ATP11A: variants seen among roughly 807,000 people sequenced by gnomAD.
ATP11A encodes the protein ATPase phospholipid transporting 11A, also known as phospholipid-transporting ATPase IH.
Under a neutral mutation model 154.4 loss-of-function variants are expected in ATP11A, and 81 were observed. The ratio of observed to expected loss-of-function variants is 0.52; its 90% CI spans 0.44 to 0.63. The LOEUF (loss-of-function observed/expected upper bound fraction) is 0.63. Among genes scored for constraint, ATP11A ranks in the 30% least tolerant of loss-of-function variants. The pLI is 0.00. For missense variants in ATP11A, 1,316 were observed against 1,474.3 expected, an observed-to-expected ratio of 0.89 and a Z score of 1.76; for synonymous variants, 623 against 585.9, an observed-to-expected ratio of 1.06 and a Z score of -0.91.
chr13:112,873,429 G>A lies in ATP11A; in HGVS notation c.3058-144G>A, dbSNP rs538613989. On this transcript the variant is annotated intron_variant, in intron 26 of 29. Coordinates refer to ENST00000375645, the MANE Select transcript of ATP11A (RefSeq NM_015205.3). The stretch of plus-strand genomic sequence containing the variant: ...AGGTGTGGCTTTGTCTTCCTGAGCC[G>A]TGTTTTGCAGGCATTGAGTCGTCAT... 51 of 590,414 alleles carry A rather than the reference G, an allele frequency of 8.6e-5. No homozygotes were observed. The South Asian group carries it at 9.7e-4, about 11-fold the overall frequency. The allele number at this position is 590,414 out of a possible 1,614,324, so 36.6% of individuals were successfully genotyped here.
rs146801787 is a variant in ATP11A, at chr13:112,832,928, C to T, written c.1464C>T (p.Ser488=). 5.0e-5 allele frequency: 80 copies of T among 1,614,084 alleles called. No homozygotes were observed. Among genetic ancestry groups the T allele is most frequent in the African/African-American group, 3.6e-4 (27 of 75,040 alleles). The change falls in exon 14 of 30, where the codon AGC becomes AGT. Residue 488 remains serine (S), a synonymous_variant. Coordinates refer to ENST00000375645, the MANE Select transcript of ATP11A (RefSeq NM_015205.3). ...CCGTCCAGGTGAAAGACGATGACAG[C>T]GTAGACGGCCCCAGGAAATCGCCGG... ...CHTVQVKDDD[S]VDGPRKSPDG...
chr13:112,765,325 C>T (rs111562175), intron 1 of ATP11A, among the ~76,000 whole-genome samples: 3,098 of 152,210 alleles, frequency 0.02, 90 homozygotes, highest in African/African-American at 0.069. Flanking sequence ...CCTCTGAGGA[C>T]GCCTGGAACC....
rs2077373500 is a variant in ATP11A at position 112,777,354 on chromosome 13, A to G, written c.40-7781A>G. On this transcript the variant is annotated intron_variant, in intron 1 of 29. Transcript: ENST00000375645. The stretch of plus-strand genomic sequence containing the variant: ...TGAGGCGGGCAAATCACCTGAGGTC[A>G]GGAGTTTGAGACCAGCCTGGCCAAC... Among the ~76,000 whole-genome samples the G allele has an allele frequency of 7.9e-5, 12 of 152,238 alleles. No individual in the cohort carries two copies. The South Asian group carries it at 2.5e-3, about 32-fold the overall frequency.
intron 5 of ATP11A, among the ~76,000 whole-genome samples, chr13:112,815,102 T>C (rs2078606513): frequency 6.6e-6 from 1 of 152,212 alleles, no homozygotes; most frequent in African/African-American, 2.4e-5. Context: ...AGCCCTGCAG[T>C]GACTCACTCA....
intron 1 of ATP11A, among the ~76,000 whole-genome samples, chr13:112,755,169 C>T (rs1432252382): frequency 6.6e-6 from 1 of 152,216 alleles, no homozygotes; most frequent in Non-Finnish European, 1.5e-5. Context: ...TTTTTTCAAC[C>T]ATTTAAGGAC....
At chr13:112,742,097 G>A (rs1056178503) in intron 1 of ATP11A, among the ~76,000 whole-genome samples, 6 of 152,134 alleles carry the variant, frequency 3.9e-5, no homozygotes, top group African/African-American at 1.4e-4. Flanking sequence ...TATGGGTGGT[G>A]CGGGGTGAAC....
intron 1 of ATP11A, among the ~76,000 whole-genome samples, chr13:112,695,175 C>T (rs1198554903): frequency 6.6e-6 from 1 of 152,184 alleles, no homozygotes; most frequent in Non-Finnish European, 1.5e-5. Flanking sequence ...CTGGAGTCTA[C>T]ACCACAGGAG....
chr13:112,826,185 A>G (rs2078929282), intron 11 of ATP11A, among the ~76,000 whole-genome samples: 1 of 152,180 alleles, frequency 6.6e-6, no homozygotes, highest in Admixed American at 6.5e-5. Context: ...GCAAACCCAG[A>G]CCTGTGTCCC....
At chr13:112,766,324 G>T (rs2139909454) in intron 1 of ATP11A, among the ~76,000 whole-genome samples, 1 of 152,314 alleles carries the variant, frequency 6.6e-6, no homozygotes, top group Non-Finnish European at 1.5e-5. Context: ...GCAGAAGAGG[G>T]ATGAGTAAGG....
At chr13:112,708,801 C>T (rs535640651) in intron 1 of ATP11A, among the ~76,000 whole-genome samples, 2 of 152,280 alleles carry the variant, frequency 1.3e-5, no homozygotes, top group East Asian at 1.9e-4. Flanking sequence ...CGTCTTCCAA[C>T]GAGTGGCTCT....
chr13:112,835,711 G>A (rs1015527281), intron 15 of ATP11A, among the ~76,000 whole-genome samples: 3 of 152,220 alleles, frequency 2.0e-5, no homozygotes, highest in South Asian at 4.1e-4. Flanking sequence ...TGCTCCAGAC[G>A]CCACACAGGT....
At chr13:112,733,921 TCTTTC>T (rs1488892186) in intron 1 of ATP11A, among the ~76,000 whole-genome samples, 1 of 152,224 alleles carries the variant, frequency 6.6e-6, no homozygotes, top group Non-Finnish European at 1.5e-5. Context: ...AGTGGTTCTC[TCTTTC>T]CTTTTCTTTC....
intron 19 of ATP11A, 53 bp downstream of exon 19, chr13:112,854,583 G>A (rs1409326935): frequency 5.8e-6 from 9 of 1,564,454 alleles, no homozygotes; most frequent in Non-Finnish European, 7.8e-6. Flanking sequence ...AGGGGCTTCA[G>A]ACCCAGTGGC....
intron 1 of ATP11A, among the ~76,000 whole-genome samples, chr13:112,749,258 T>C (rs2076633224): frequency 6.6e-6 from 1 of 152,248 alleles, no homozygotes; most frequent in South Asian, 2.1e-4. Flanking sequence ...TGGAGAGAGC[T>C]GGAATGTGTC....
chr13:112,785,481 G>A lies in ATP11A; in HGVS notation c.162+224G>A, dbSNP rs187937305. Among the ~76,000 whole-genome samples, 102 of 152,100 alleles carry A rather than the reference G, an allele frequency of 6.7e-4. No individual in the cohort carries two copies. The highest frequency in any genetic ancestry group is 2.2e-3 in the Admixed American group (34 of 15,282). ...TTTCCACCTGCCCAGGGCTCACAGC[G>A]CAGTGTCTCCATTCTCGGGTGACCG... On this transcript the variant is annotated intron_variant, in intron 2 of 29. Coordinates refer to ENST00000375645, the MANE Select transcript of ATP11A (RefSeq NM_015205.3). This position sits in a 1 kb window ranked among gnomAD's most constrained non-coding sequence, Gnocchi z 4.8.
intron 1 of ATP11A, among the ~76,000 whole-genome samples, chr13:112,765,043 C>T (rs1007287822): frequency 2.0e-5 from 3 of 152,200 alleles, no homozygotes; most frequent in East Asian, 1.9e-4. Flanking sequence ...GTCCTTTGAA[C>T]GGCACCTGCT....
At chr13:112,817,214 C>G (rs1333028722) in intron 6 of ATP11A, among the ~76,000 whole-genome samples, 1 of 152,198 alleles carries the variant, frequency 6.6e-6, no homozygotes, top group Non-Finnish European at 1.5e-5. Context: ...GTCATCAGCT[C>G]ACAAAATTGC....
intron 1 of ATP11A, among the ~76,000 whole-genome samples, chr13:112,712,719 C>T (rs768341335): frequency 5.3e-5 from 8 of 152,154 alleles, no homozygotes; most frequent in Non-Finnish European, 1.0e-4. Flanking sequence ...GGACCACAGT[C>T]GGTGAGGTGA....
At chr13:112,815,801 G>T (rs1235937779) in intron 5 of ATP11A, among the ~76,000 whole-genome samples, 1 of 152,224 alleles carries the variant, frequency 6.6e-6, no homozygotes, top group African/African-American at 2.4e-5. Context: ...ACTTGGCCAC[G>T]CTCACAGAAC....
Sources: allele counts gnomAD v4.1 joint callset (sites outside exome capture counted in the v4.1 genomes callset), GRCh38; gene constraint gnomAD v4.1.1; non-coding constraint Gnocchi (gnomAD v3.1); transcripts MANE v1.5; gene names NCBI Gene and HGNC (gene_info 2026-07-23, HGNC 2026-07-21).